Variants in ASTN2 observed in about 807,000 individuals in gnomAD.
The protein encoded by ASTN2 is astrotactin-2.
In ASTN2, 54 loss-of-function variants were observed where a neutral mutation model predicts 139.8. That is an observed-to-expected ratio of 0.39 (90% CI 0.31 to 0.48). The LOEUF (loss-of-function observed/expected upper bound fraction) is 0.48, where lower values mean the gene tolerates loss of function less well. ASTN2 is among the 20% of genes least tolerant of loss of function. The probability of loss-of-function intolerance (pLI) is 0.95; values close to 1 mark genes in which losing one functional copy is unlikely to be tolerated. For synonymous variants in ASTN2, 756 were observed against 719.5 expected, an observed-to-expected ratio of 1.05 and a Z score of -0.81; for missense variants, 1,565 against 1,725.1, an observed-to-expected ratio of 0.91 and a Z score of 1.64.
At chr9:116,775,825 A>C (rs556570852) in intron 13 of ASTN2, among the ~76,000 whole-genome samples, 13 of 144,936 alleles carry the variant, frequency 9.0e-5, no homozygotes, top group African/African-American at 3.1e-4. Flanking sequence ...GGAAGGAAGA[A>C]AGGAAGGAAG....
intron 10 of ASTN2, among the ~76,000 whole-genome samples, chr9:116,907,483 T>G (rs1025841818): frequency 5.9e-5 from 9 of 152,046 alleles, no homozygotes; most frequent in African/African-American, 1.9e-4. Flanking sequence ...TGTTTCGGAG[T>G]GTGCTGCACC....
At chr9:117,218,229 T>C (rs1287949886) in intron 2 of ASTN2, among the ~76,000 whole-genome samples, 1 of 152,214 alleles carries the variant, frequency 6.6e-6, no homozygotes, top group Admixed American at 6.5e-5. Flanking sequence ...TTCCCTTTAG[T>C]TTATTGACCC....
intron 19 of ASTN2, among the ~76,000 whole-genome samples, chr9:116,500,241 C>T (rs939871982): frequency 7.9e-5 from 12 of 152,160 alleles, no homozygotes; most frequent in Admixed American, 6.5e-4. Context: ...TTTTAGTTTA[C>T]AATGTATGCC....
chr9:116,734,871 C>T (rs1313632873), intron 13 of ASTN2, among the ~76,000 whole-genome samples: 2 of 152,132 alleles, frequency 1.3e-5, no homozygotes, highest in Non-Finnish European at 2.9e-5. Context: ...TTTCTGAGTC[C>T]AGAGGATGTG....
At chr9:116,850,792 C>T (rs1402935106) in intron 11 of ASTN2, among the ~76,000 whole-genome samples, 3 of 152,078 alleles carry the variant, frequency 2.0e-5, no homozygotes, top group Admixed American at 6.5e-5. Context: ...AAAATAAATA[C>T]GCTCATGTGG....
chr9:117,164,399 T>C (rs1226152841), intron 3 of ASTN2, among the ~76,000 whole-genome samples: 1 of 152,044 alleles, frequency 6.6e-6, no homozygotes, highest in Non-Finnish European at 1.5e-5. Context: ...GAGACTGTCA[T>C]TGGGTGTAAA....
chr9:116,936,219 C>CT, intron 10 of ASTN2, among the ~76,000 whole-genome samples: 1 of 146,612 alleles, frequency 6.8e-6, no homozygotes, highest in East Asian at 2.0e-4. Context: ...TCACCACCAC[C>CT]ACCACTACCA....
intron 3 of ASTN2, among the ~76,000 whole-genome samples, chr9:117,182,232 C>T (rs1250799274): frequency 1.4e-5 from 2 of 141,230 alleles, no homozygotes; most frequent in African/African-American, 5.3e-5. Context: ...TGCATGCCTT[C>T]CAAAAAAAAA....
At chr9:117,003,104 C>T (rs58687230) in intron 7 of ASTN2, among the ~76,000 whole-genome samples, 2 of 152,088 alleles carry the variant, frequency 1.3e-5, no homozygotes, top group Non-Finnish European at 2.9e-5. Context: ...GGTAGTGTAC[C>T]TAGAACCCAG....
chr9:116,792,518 C>T (rs145819919), intron 13 of ASTN2, among the ~76,000 whole-genome samples: 1 of 152,180 alleles, frequency 6.6e-6, no homozygotes, highest in Non-Finnish European at 1.5e-5. Flanking sequence ...AGCAGCCTGC[C>T]TTCAATAAGT....
chr9:117,318,665 T>A (rs1828224185), intron 1 of ASTN2, among the ~76,000 whole-genome samples: 1 of 152,172 alleles, frequency 6.6e-6, no homozygotes, highest in Non-Finnish European at 1.5e-5. Flanking sequence ...TGAGCTGACC[T>A]GGCCACCAAA....
intron 3 of ASTN2, among the ~76,000 whole-genome samples, chr9:117,184,704 A>G (rs1831153933): frequency 1.3e-5 from 2 of 152,156 alleles, no homozygotes; most frequent in South Asian, 4.1e-4. Flanking sequence ...CATGCCTGCA[A>G]GTCATATGGC....
chr9:116,639,783 A>T (rs1745141876), intron 17 of ASTN2, among the ~76,000 whole-genome samples: 1 of 152,196 alleles, frequency 6.6e-6, no homozygotes, highest in Non-Finnish European at 1.5e-5. Context: ...ACACTCTCTG[A>T]GTCTCAAGTT....
At chr9:117,307,351 T>C (rs1055123936) in intron 1 of ASTN2, among the ~76,000 whole-genome samples, 5 of 152,340 alleles carry the variant, frequency 3.3e-5, no homozygotes, top group East Asian at 3.9e-4. Flanking sequence ...TAGAAGGTTT[T>C]GCATGTAAAA....
At chr9:116,971,130 T>G (rs1836184036) in intron 10 of ASTN2, among the ~76,000 whole-genome samples, 2 of 152,196 alleles carry the variant, frequency 1.3e-5, no homozygotes, top group South Asian at 4.1e-4. Context: ...ACAGGAGGGA[T>G]CCAGCTAAGA....
At chr9:116,588,356 G>A (rs200663956) in intron 19 of ASTN2, among the ~76,000 whole-genome samples, 1 of 152,178 alleles carries the variant, frequency 6.6e-6, no homozygotes, top group East Asian at 1.9e-4. Flanking sequence ...ACATTTCAGA[G>A]TTACAAAATG....
intron 5 of ASTN2, among the ~76,000 whole-genome samples, chr9:117,082,888 A>G (rs1828465325): frequency 6.6e-6 from 1 of 152,182 alleles, no homozygotes; most frequent in African/African-American, 2.4e-5. Flanking sequence ...CTGCTCACAC[A>G]GACATGCCAT....
chr9:117,413,820 G>A (rs547812401), intron 1 of ASTN2, among the ~76,000 whole-genome samples: 17 of 152,292 alleles, frequency 1.1e-4, no homozygotes, highest in African/African-American at 3.4e-4. Flanking sequence ...AGGCGGTAAC[G>A]GGGGTAGAGG....
chr9:117,384,895 G>T (rs1486896990), intron 1 of ASTN2, among the ~76,000 whole-genome samples: 1 of 152,158 alleles, frequency 6.6e-6, no homozygotes, highest in Non-Finnish European at 1.5e-5. Flanking sequence ...ATCAGTGGTA[G>T]GATGATCAGA....
Sources: allele counts gnomAD v4.1 joint callset (sites outside exome capture counted in the v4.1 genomes callset), GRCh38; gene constraint gnomAD v4.1.1; transcripts MANE v1.5; gene names NCBI Gene and HGNC (gene_info 2026-07-23, HGNC 2026-07-21).